Variants in DNAJC3 observed in about 807,000 individuals in gnomAD.
The protein encoded by DNAJC3 is dnaJ homolog subfamily C member 3.
DNAJC3 carries 38 observed loss-of-function variants against 68.6 expected under a neutral mutation model. The observed-to-expected ratio is 0.55, with a 90% confidence interval of 0.43 to 0.73. The LOEUF (loss-of-function observed/expected upper bound fraction) is 0.73, where lower values mean the gene tolerates loss of function less well. Among genes scored for constraint, DNAJC3 ranks in the 30% least tolerant of loss-of-function variants. The pLI, the probability that DNAJC3 is intolerant of heterozygous loss-of-function variation, is 0.00. For synonymous variants in DNAJC3, 203 were observed against 204.0 expected (o/e 1.00, Z 0.04); for missense variants, 526 against 591.9 (o/e 0.89, Z 1.16).
intron 9 of DNAJC3, among the ~76,000 whole-genome samples, chr13:95,777,921 A>G (rs1883333304): frequency 6.6e-6 from 1 of 152,242 alleles, no homozygotes; most frequent in Non-Finnish European, 1.5e-5. Context: ...AAGTCTTAAC[A>G]AATTTTTTTA....
intron 4 of DNAJC3, among the ~76,000 whole-genome samples, chr13:95,755,416 A>T (rs1267847939): frequency 6.6e-6 from 1 of 151,810 alleles, no homozygotes; most frequent in Non-Finnish European, 1.5e-5. Flanking sequence ...ATGCCACTAC[A>T]CTCCAGCCTG....
intron 1 of DNAJC3, among the ~76,000 whole-genome samples, chr13:95,680,609 C>T (rs1879887176): frequency 6.6e-6 from 1 of 152,166 alleles, no homozygotes; most frequent in African/African-American, 2.4e-5. Context: ...GCAGTAGTAT[C>T]AAAGTTCCAG....
At chr13:95,723,818 T>G (rs1047878413) in intron 3 of DNAJC3, among the ~76,000 whole-genome samples, 3 of 152,200 alleles carry the variant, frequency 2.0e-5, no homozygotes, top group Admixed American at 6.5e-5. Context: ...AGACATCCCC[T>G]GGAACCAATC....
intron 2 of DNAJC3, among the ~76,000 whole-genome samples, chr13:95,717,583 C>T (rs1282052543): frequency 6.6e-6 from 1 of 152,110 alleles, no homozygotes; most frequent in Non-Finnish European, 1.5e-5. Context: ...ACCCAAATCT[C>T]GAATTGTAGC....
chr13:95,731,587 G>A (rs895973912), intron 4 of DNAJC3, among the ~76,000 whole-genome samples: 1 of 152,170 alleles, frequency 6.6e-6, no homozygotes, highest in African/African-American at 2.4e-5. Context: ...TTGTCCATGT[G>A]ATGTATCACA....
At chr13:95,688,158 T>C (rs1229237654) in intron 1 of DNAJC3, among the ~76,000 whole-genome samples, 1 of 152,212 alleles carries the variant, frequency 6.6e-6, no homozygotes, top group Non-Finnish European at 1.5e-5. Flanking sequence ...AAGTTGCTTA[T>C]CAGTTCCAGG....
rs368608451 is a variant in DNAJC3 at position 95,752,945 on chromosome 13, C to T, written c.394-4699C>T. On this transcript the variant is annotated intron_variant, in intron 4 of 11. Coordinates refer to ENST00000602402, the MANE Select transcript of DNAJC3 (RefSeq NM_006260.5). Reference sequence around the variant, plus strand: ...GCAGCATAGGGGAGTTCTAGGTATGCCACTTCTTCAACACTTCATGTGAAC... The same window carrying T: ...GCAGCATAGGGGAGTTCTAGGTATGTCACTTCTTCAACACTTCATGTGAAC... Among the ~76,000 whole-genome samples the T allele has an allele frequency of 5.3e-5, 8 of 152,304 alleles. No individual in the cohort carries two copies. In the East Asian group the frequency reaches 1.2e-3, roughly 22 times the overall value.
Position 95,760,716 on chromosome 13 carries a change from A to G in DNAJC3, c.766A>G (p.Lys256Glu). ...ATGTCTTAAACTTGACCAGGATCAT[A>G]AAAGGTGTTTTGCACACTATAAACA... ...RECLKLDQDH[K>E]RCFAHYKQVK... Residue 256 changes from lysine (K) to glutamate (E), a missense_variant, in exon 7 of 12, where the codon AAA becomes GAA. Transcript: ENST00000602402. 6.2e-7 allele frequency: 1 copy of G among 1,612,060 alleles called. No individual in the cohort carries two copies. Among genetic ancestry groups the G allele is most frequent in the Non-Finnish European group, 8.5e-7 (1 of 1,179,122 alleles).
intron 1 of DNAJC3, among the ~76,000 whole-genome samples, chr13:95,691,901 G>A (rs1880278003): frequency 6.6e-6 from 1 of 152,198 alleles, no homozygotes; most frequent in Admixed American, 6.5e-5. Flanking sequence ...AAAAAAATAC[G>A]AAAACCAGTC....
At chr13:95,764,705 T>C (rs1407469089) in intron 9 of DNAJC3, among the ~76,000 whole-genome samples, 16 of 133,414 alleles carry the variant, frequency 1.2e-4, no homozygotes, top group Admixed American at 4.6e-4. Context: ...CATATATATA[T>C]ACATATATAT....
intron 2 of DNAJC3, among the ~76,000 whole-genome samples, chr13:95,717,032 T>C (rs993740039): frequency 6.6e-6 from 1 of 151,934 alleles, no homozygotes; most frequent in Non-Finnish European, 1.5e-5. Context: ...TGATGGGGTG[T>C]TGTGACCTTT....
chr13:95,793,958 A>G lies in DNAJC3; in HGVS notation c.*2928A>G, dbSNP rs879874764. The G allele has an allele frequency of 2.0e-5, 3 of 152,222 alleles. No individual in the cohort carries two copies. Among genetic ancestry groups the G allele is most frequent in the Non-Finnish European group, 4.4e-5 (3 of 68,036 alleles). The allele number at this position is 152,222 out of a possible 1,614,324, so 9.4% of individuals were successfully genotyped here. The stretch of plus-strand genomic sequence containing the variant: ...TCTAGAAGCATTGTGAAAAGGTTCC[A>G]AAACGGGAGACAAAATTTAATTCAT... On this transcript the variant is annotated 3_prime_UTR_variant, in exon 12 of 12. Coordinates refer to ENST00000602402, the MANE Select transcript of DNAJC3 (RefSeq NM_006260.5).
intron 4 of DNAJC3, among the ~76,000 whole-genome samples, chr13:95,737,639 T>G (rs61975186): frequency 0.068 from 10,374 of 151,942 alleles, 441 homozygotes; most frequent in East Asian, 0.14. Flanking sequence ...CTGATGGTAG[T>G]TTGTATTGCT....
chr13:95,713,236 G>T (rs2139630903), intron 2 of DNAJC3, among the ~76,000 whole-genome samples: 1 of 152,250 alleles, frequency 6.6e-6, no homozygotes, highest in South Asian at 2.1e-4. Flanking sequence ...AGGGCATAAA[G>T]ATTGAGAAAG....
At chr13:95,770,875 G>A (rs890143665) in intron 9 of DNAJC3, among the ~76,000 whole-genome samples, 3 of 152,082 alleles carry the variant, frequency 2.0e-5, no homozygotes, top group Non-Finnish European at 2.9e-5. Flanking sequence ...TGCATAAAAC[G>A]TAGTAGTAGG....
chr13:95,776,120 GTCT>G (rs1883284771), intron 9 of DNAJC3, among the ~76,000 whole-genome samples: 1 of 151,452 alleles, frequency 6.6e-6, no homozygotes, highest in Admixed American at 6.6e-5. Context: ...GGGTTTTTCT[GTCT>G]TCTTTTTAAA....
intron 2 of DNAJC3, among the ~76,000 whole-genome samples, chr13:95,718,075 G>T (rs993064555): frequency 6.6e-6 from 1 of 152,176 alleles, no homozygotes; most frequent in African/African-American, 2.4e-5. Flanking sequence ...CATCTCCCAT[G>T]TTCAAGTTTC....
chr13:95,710,021 T>A (rs1048222206), intron 2 of DNAJC3, among the ~76,000 whole-genome samples: 1 of 152,224 alleles, frequency 6.6e-6, no homozygotes. Context: ...TCACTTGATA[T>A]CCTTGGGAGA....
Position 95,677,262 on chromosome 13 carries a change from GC to G in DNAJC3, c.12del (p.Gly5AlafsTer3), listed in dbSNP as rs1242426195. The G allele has an allele frequency of 1.2e-6, 2 of 1,602,656 alleles. No individual in the cohort carries two copies. Among genetic ancestry groups the G allele is most frequent in the African/African-American group, 1.4e-5 (1 of 73,144 alleles). Reference sequence around the variant, plus strand: ...CACTCGCGAGCCCTCGGACATGGTGGCCCCCGGCTCCGTGACCAGCCGGCTG... The same window carrying G: ...CACTCGCGAGCCCTCGGACATGGTGGCCCCGGCTCCGTGACCAGCCGGCTG... MV[A>X]PGSVTSRLGS... On this transcript the variant is annotated frameshift_variant, in exon 1 of 12. Coordinates refer to ENST00000602402, the MANE Select transcript of DNAJC3 (RefSeq NM_006260.5). LOFTEE classifies it high-confidence loss of function.
Sources: allele counts gnomAD v4.1 joint callset (sites outside exome capture counted in the v4.1 genomes callset), GRCh38; gene constraint gnomAD v4.1.1; transcripts MANE v1.5; gene names NCBI Gene and HGNC (gene_info 2026-07-23, HGNC 2026-07-21).